TNFSF15: variants seen among roughly 807,000 people sequenced by gnomAD.
TNFSF15 encodes the protein tumor necrosis factor ligand superfamily member 15.
In TNFSF15, 15 loss-of-function variants were observed where a neutral mutation model predicts 26.4. That is an observed-to-expected ratio of 0.57 (90% CI 0.38 to 0.87). TNFSF15 has a LOEUF of 0.87. Ranked by LOEUF, TNFSF15 falls within the 40% of genes least tolerant of loss-of-function variation. The probability of loss-of-function intolerance (pLI) is 0.00; values close to 1 mark genes in which losing one functional copy is unlikely to be tolerated. For synonymous variants in TNFSF15, 116 were observed against 115.0 expected (o/e 1.01, Z -0.06); for missense variants, 290 against 306.1 (o/e 0.95, Z 0.39).
chr9:114,805,091 T>C (rs1265533193), intron 1 of TNFSF15, among the ~76,000 whole-genome samples: 1 of 152,202 alleles, frequency 6.6e-6, no homozygotes, highest in African/African-American at 2.4e-5. Flanking sequence ...AGACTTCATA[T>C]TCTTTTTCTG....
rs990350860 is a variant in TNFSF15, at chr9:114,788,022, T to C, written c.*2430A>G. 6.5e-6 allele frequency: 1 copy of C among 153,738 alleles called. No individual in the cohort carries two copies. The highest frequency in any genetic ancestry group is 1.5e-5 in the Non-Finnish European group (1 of 68,062). 9.5% of individuals were successfully genotyped at this position (153,738 alleles called of 1,614,324 possible). A position where few individuals can be genotyped will look rare whatever the true frequency, so the allele number is the denominator to read the frequency against. The stretch of plus-strand genomic sequence containing the variant: ...CCTCCTGCATACCAAAGCTGCTTGG[T>C]GCTCTCACGCACCATGAAGACCGGT... On this transcript the variant is annotated 3_prime_UTR_variant, in exon 4 of 4. Coordinates refer to ENST00000374045, the MANE Select transcript of TNFSF15 (RefSeq NM_005118.4).
intron 1 of TNFSF15, among the ~76,000 whole-genome samples, chr9:114,797,370 T>G (rs981365238): frequency 1.3e-5 from 2 of 152,214 alleles, no homozygotes; most frequent in African/African-American, 4.8e-5. Flanking sequence ...TGGCAGATAT[T>G]GAAGACTACA....
intron 1 of TNFSF15, among the ~76,000 whole-genome samples, chr9:114,801,809 C>T (rs1829752796): frequency 6.6e-6 from 1 of 152,138 alleles, no homozygotes; most frequent in Non-Finnish European, 1.5e-5. Context: ...TTTATTATTT[C>T]TATACTTTTT....
intron 1 of TNFSF15, among the ~76,000 whole-genome samples, chr9:114,796,539 A>G (rs1357727680): frequency 1.3e-5 from 2 of 152,218 alleles, no homozygotes; most frequent in African/African-American, 4.8e-5. Flanking sequence ...TACTTTATTG[A>G]ATTAGTAGGG....
intron 3 of TNFSF15, chr9:114,792,195 G>T: frequency 2.2e-6 from 1 of 454,746 alleles, no homozygotes; most frequent in Non-Finnish European, 3.8e-6. Flanking sequence ...TAAGGAAAAC[G>T]TGTGTGTGTG....
rs1189814846 is a variant in TNFSF15, at chr9:114,790,374, G to A, written c.*78C>T. 2.1e-6 allele frequency: 3 copies of A among 1,416,586 alleles called. No homozygotes were observed. The highest frequency in any genetic ancestry group is 2.9e-6 in the Non-Finnish European group (3 of 1,045,842). 87.8% of individuals were successfully genotyped at this position (1,416,586 alleles called of 1,614,324 possible). A position where few individuals can be genotyped will look rare whatever the true frequency, so the allele number is the denominator to read the frequency against. ...TACTCCCGGCCCCAAGAAAACCCCTGGTTATAATTACATTTGAACAAAGAA... is the reference window on the plus strand; with the variant it reads ...TACTCCCGGCCCCAAGAAAACCCCTAGTTATAATTACATTTGAACAAAGAA... On this transcript the variant is annotated 3_prime_UTR_variant, in exon 4 of 4. Coordinates refer to ENST00000374045, the MANE Select transcript of TNFSF15 (RefSeq NM_005118.4).
chr9:114,797,176 G>A (rs990457083), intron 1 of TNFSF15, among the ~76,000 whole-genome samples: 14 of 152,202 alleles, frequency 9.2e-5, no homozygotes, highest in Non-Finnish European at 1.9e-4. Context: ...TCAGCTAAGA[G>A]TTTACAACAT....
At chr9:114,791,144 G>A in intron 3 of TNFSF15, 1 of 589,498 alleles carries the variant, frequency 1.7e-6, no homozygotes, top group East Asian at 2.8e-5. Context: ...GAGACTGAGT[G>A]GTCTGACCTG....
chr9:114,793,848 C>G (rs1829642877), intron 1 of TNFSF15, among the ~76,000 whole-genome samples: 1 of 152,180 alleles, frequency 6.6e-6, no homozygotes, highest in African/African-American at 2.4e-5. Context: ...TCGTTCTATT[C>G]TAGGGGAACT....
intron 1 of TNFSF15, among the ~76,000 whole-genome samples, chr9:114,798,760 C>T (rs992871703): frequency 1.3e-5 from 2 of 152,104 alleles, no homozygotes; most frequent in Non-Finnish European, 2.9e-5. Flanking sequence ...ATGAACAAGC[C>T]TGAAGCAAGA....
At chr9:114,796,970 A>T (rs766693071) in intron 1 of TNFSF15, among the ~76,000 whole-genome samples, 6 of 152,190 alleles carry the variant, frequency 3.9e-5, no homozygotes, top group South Asian at 2.1e-4. Context: ...GCCTTCCTTG[A>T]TATTGACAGA....
Position 114,790,377 on chromosome 9 carries a change from T to A in TNFSF15, c.*75A>T. 2 of 1,435,338 alleles carry A rather than the reference T, an allele frequency of 1.4e-6. No homozygotes were observed. The highest frequency in any genetic ancestry group is 9.4e-7 in the Non-Finnish European group (1 of 1,061,812). 88.9% of individuals were successfully genotyped at this position (1,435,338 alleles called of 1,614,324 possible). A position where few individuals can be genotyped will look rare whatever the true frequency, so the allele number is the denominator to read the frequency against. ...TCCCGGCCCCAAGAAAACCCCTGGT[T>A]ATAATTACATTTGAACAAAGAAAAT... On this transcript the variant is annotated 3_prime_UTR_variant, in exon 4 of 4. Transcript: ENST00000374045.
In TNFSF15 at chr9:114,790,168, A is replaced by G. The variant is rs977233381; in HGVS notation, c.*284T>C. 1.4e-5 allele frequency: 4 copies of G among 286,826 alleles called. No individual in the cohort carries two copies. Among genetic ancestry groups the G allele is most frequent in the Non-Finnish European group, 2.6e-5 (4 of 153,096 alleles). The allele number at this position is 286,826 out of a possible 1,614,324, so 17.8% of individuals were successfully genotyped here. A position where few individuals can be genotyped will look rare whatever the true frequency, so the allele number is the denominator to read the frequency against. ...CAATCCTGACCCGAGTAGATCATCC[A>G]TTCATTTAGTGATCAGTGTCTTAAT... On this transcript the variant is annotated 3_prime_UTR_variant, in exon 4 of 4. Transcript: ENST00000374045.
Position 114,802,752 on chromosome 9 carries a change from T to A in TNFSF15, c.210+3051A>T, listed in dbSNP as rs572768773. ...GGGTGAGGCTCAGTAACTGGTATAG[T>A]TGTGGTAATAGTTTTCTCCATGGTA... On this transcript the variant is annotated intron_variant, in intron 1 of 3. Transcript: ENST00000374045. Among the ~76,000 whole-genome samples the A allele has an allele frequency of 1.1e-4, 17 of 152,140 alleles. No homozygotes were observed. The South Asian group carries it at 3.5e-3, about 32-fold the overall frequency.
intron 1 of TNFSF15, among the ~76,000 whole-genome samples, chr9:114,795,795 G>T (rs116676181): frequency 6.6e-6 from 1 of 152,176 alleles, no homozygotes; most frequent in Non-Finnish European, 1.5e-5. Context: ...ATCTGTACAC[G>T]TGTCTGTGAT....
Position 114,789,512 on chromosome 9 carries a change from C to T in TNFSF15, c.*940G>A, listed in dbSNP as rs573096118. 1 of 152,350 alleles carries T rather than the reference C, an allele frequency of 6.6e-6. No homozygotes were observed. The highest frequency in any genetic ancestry group is 2.4e-5 in the African/African-American group (1 of 41,564). The allele number at this position is 152,350 out of a possible 1,614,324, so 9.4% of individuals were successfully genotyped here. A position where few individuals can be genotyped will look rare whatever the true frequency, so the allele number is the denominator to read the frequency against. ...TATTTTTAGTAGAGATGGGGTTTCT[C>T]CACGTTGGTCAGGCTGGTCTTGAAC... On this transcript the variant is annotated 3_prime_UTR_variant, in exon 4 of 4. Coordinates refer to ENST00000374045, the MANE Select transcript of TNFSF15 (RefSeq NM_005118.4).
At chr9:114,798,387 T>G (rs1285445250) in intron 1 of TNFSF15, among the ~76,000 whole-genome samples, 2 of 151,990 alleles carry the variant, frequency 1.3e-5, no homozygotes, top group African/African-American at 4.8e-5. Context: ...TTTTTTTGTA[T>G]GTTGACTGGT....
At position 114,805,786 on chromosome 9, in the gene TNFSF15, A is replaced by G; in HGVS notation, c.210+17T>C. The G allele has an allele frequency of 6.2e-7, 1 of 1,610,922 alleles. No homozygotes were observed. The highest frequency in any genetic ancestry group is 8.5e-7 in the Non-Finnish European group (1 of 1,178,744). On this transcript the variant is annotated intron_variant, in intron 1 of 3. Transcript: ENST00000374045. ...GTCCACTGCTCCTCCCCAAGGTCAG[A>G]GTGCCATGTGGCTTACCTGGAACTG...
rs970293318 is a variant in TNFSF15 at position 114,785,026 on chromosome 9, T to C, written c.*5426A>G. ...CTGTGTGTCTTGTTCCTCCTGAATG[T>C]ATACACTGTGAGAGTAGGACTTGCC... is the stretch of plus-strand genomic sequence containing the variant. On this transcript the variant is annotated 3_prime_UTR_variant, in exon 4 of 4. Transcript: ENST00000374045. 6.6e-6 allele frequency: 1 copy of C among 152,278 alleles called. No individual in the cohort carries two copies. The highest frequency in any genetic ancestry group is 2.4e-5 in the African/African-American group (1 of 41,472). The allele number at this position is 152,278 out of a possible 1,614,324, so 9.4% of individuals were successfully genotyped here. A position where few individuals can be genotyped will look rare whatever the true frequency, so the allele number is the denominator to read the frequency against.
Sources: allele counts gnomAD v4.1 joint callset (sites outside exome capture counted in the v4.1 genomes callset), GRCh38; gene constraint gnomAD v4.1.1; transcripts MANE v1.5; gene names NCBI Gene and HGNC (gene_info 2026-07-23, HGNC 2026-07-21).